The following PCDH11X variants were observed in gnomAD, a reference collection of about 807,000 sequenced individuals.
PCDH11X encodes protocadherin-11 X-linked.
Under a neutral mutation model 53.3 loss-of-function variants are expected in PCDH11X, and 18 were observed. That is an observed-to-expected ratio of 0.34 (90% CI 0.23 to 0.50). The LOEUF is 0.50. Ranked by LOEUF, PCDH11X falls within the 20% of genes least tolerant of loss-of-function variation. PCDH11X has a pLI of 0.98. For synonymous variants in PCDH11X, 279 were observed against 393.3 expected, an observed-to-expected ratio of 0.71 and a Z score of 3.44; for missense variants, 570 against 1,032.4, an observed-to-expected ratio of 0.55 and a Z score of 6.14.
chrX:92,207,178 C>T (rs2148330389), intron 7 of PCDH11X, among the ~76,000 whole-genome samples: 1 of 111,736 alleles, frequency 8.9e-6, no homozygotes, highest in African/African-American at 3.2e-5. Context: ...GGACCAAAAA[C>T]ATTCACTGCA....
intron 5 of PCDH11X, among the ~76,000 whole-genome samples, chrX:91,836,392 T>C (rs1210179166): frequency 2.8e-5 from 3 of 106,134 alleles, no homozygotes; most frequent in African/African-American, 1.1e-4. Flanking sequence ...AAGCAAATCA[T>C]TAAGAATGAA....
chrX:92,279,554 A>C (rs2068199874), intron 8 of PCDH11X, among the ~76,000 whole-genome samples: 1 of 112,566 alleles, frequency 8.9e-6, no homozygotes. Context: ...ACTCCAGAAT[A>C]GTTTTGTATC....
intron 7 of PCDH11X, among the ~76,000 whole-genome samples, chrX:92,205,546 A>G (rs2066460375): frequency 9.0e-6 from 1 of 110,666 alleles, no homozygotes; most frequent in Admixed American, 9.7e-5. Context: ...ATGGAATTAG[A>G]CATTATAATA....
intron 9 of PCDH11X, among the ~76,000 whole-genome samples, chrX:92,447,381 C>G (rs766742723): frequency 2.2e-4 from 24 of 110,743 alleles, no homozygotes; most frequent in African/African-American, 7.9e-4. Context: ...GGTCCCTGTG[C>G]TGTGTGCAGT....
chrX:92,249,857 C>T (rs2067424393), intron 7 of PCDH11X, among the ~76,000 whole-genome samples: 1 of 111,487 alleles, frequency 9.0e-6, no homozygotes, highest in Non-Finnish European at 1.9e-5. Context: ...CAAGTAGACT[C>T]AATCAAATAC....
chrX:92,270,335 G>T (rs752984477), intron 8 of PCDH11X, among the ~76,000 whole-genome samples: 1 of 110,398 alleles, frequency 9.1e-6, no homozygotes, highest in Admixed American at 9.7e-5. Context: ...TGTTGGCCAA[G>T]CTGGCCTCGA....
intron 8 of PCDH11X, among the ~76,000 whole-genome samples, chrX:92,270,863 TG>T (rs2067942639): frequency 8.9e-6 from 1 of 112,092 alleles, no homozygotes; most frequent in Non-Finnish European, 1.9e-5. Context: ...GACTCAGCTT[TG>T]AGCTTAATTT....
At chrX:92,404,522 C>T (rs932019512) in intron 9 of PCDH11X, among the ~76,000 whole-genome samples, 22 of 110,929 alleles carry the variant, frequency 2.0e-4, no homozygotes, top group Non-Finnish European at 3.8e-4. Flanking sequence ...CCTCTGATTG[C>T]TAAATCAGAA....
intron 7 of PCDH11X, among the ~76,000 whole-genome samples, chrX:92,208,559 C>G (rs1276373547): frequency 2.3e-5 from 1 of 44,230 alleles, no homozygotes; most frequent in Non-Finnish European, 4.3e-5. Context: ...AAAGGAGGCT[C>G]TTTCTGGTGT....
chrX:92,514,916 G>C (rs1057386852), intron 10 of PCDH11X, among the ~76,000 whole-genome samples: 2 of 104,634 alleles, frequency 1.9e-5, no homozygotes, highest in African/African-American at 7.0e-5. Context: ...GCGTGGTGGC[G>C]GGTGCCTGTA....
intron 7 of PCDH11X, among the ~76,000 whole-genome samples, chrX:92,230,413 TATATATA>T (rs953031524): frequency 5.3e-5 from 4 of 76,109 alleles, no homozygotes; most frequent in Non-Finnish European, 7.3e-5. Context: ...TCTATGAATA[TATATATA>T]ATATATAAAT....
At chrX:92,537,380 G>T (rs2074679792) in intron 10 of PCDH11X, among the ~76,000 whole-genome samples, 1 of 109,199 alleles carries the variant, frequency 9.2e-6, no homozygotes, top group Non-Finnish European at 1.9e-5. Flanking sequence ...AAAATAAAAA[G>T]ATATTTCATG....
intron 7 of PCDH11X, among the ~76,000 whole-genome samples, chrX:92,235,475 A>G (rs774759489): frequency 1.4e-3 from 155 of 110,863 alleles, no homozygotes; most frequent in African/African-American, 4.9e-3. Flanking sequence ...TCGAAAGCCC[A>G]CTCTCTCTTT....
chrX:92,621,341 A>G lies in PCDH11X; in HGVS notation c.*2401A>G, dbSNP rs1928475064. 9.1e-6 allele frequency: 1 copy of G among 109,709 alleles called. No homozygotes were observed. Among genetic ancestry groups the G allele is most frequent in the Non-Finnish European group, 1.9e-5 (1 of 52,713 alleles). The allele number at this position is 109,709 out of a possible 1,213,427, so 9.0% of individuals were successfully genotyped here. A position where few individuals can be genotyped will look rare whatever the true frequency, so the allele number is the denominator to read the frequency against. On this transcript the variant is annotated 3_prime_UTR_variant, in exon 11 of 11. Transcript: ENST00000682573. Reference sequence around the variant, plus strand: ...ACTAGGGAGGTTCTTAAATCCTCATATCTGGAAACTTGTGACGTTTTGACA... The same window carrying G: ...ACTAGGGAGGTTCTTAAATCCTCATGTCTGGAAACTTGTGACGTTTTGACA...
intron 8 of PCDH11X, among the ~76,000 whole-genome samples, chrX:92,277,633 A>T (rs77066403): frequency 1.8e-5 from 2 of 108,391 alleles, no homozygotes; most frequent in African/African-American, 6.8e-5. Flanking sequence ...AGGTCGGGGC[A>T]TGGAAATAAG....
rs556345299 is a variant in PCDH11X, at chrX:91,998,882, A to G, written c.3033+119609A>G. Among the ~76,000 whole-genome samples, 147 of 108,841 alleles carry G rather than the reference A, an allele frequency of 1.4e-3. 3 individuals carry two copies. In the South Asian group the frequency reaches 0.055, roughly 41 times the overall value. 94.5% of individuals were successfully genotyped at this position (108,841 alleles called of 115,157 possible). On this transcript the variant is annotated intron_variant, in intron 6 of 10. Transcript: ENST00000682573. ...ATTTCCTGATTGATAGTATGTTTGC[A>G]TGTTTCTTTTCCTTTTATTTTATTT... is the stretch of plus-strand genomic sequence containing the variant.
At chrX:92,430,959 C>A (rs981214444) in intron 9 of PCDH11X, among the ~76,000 whole-genome samples, 33 of 107,009 alleles carry the variant, frequency 3.1e-4, no homozygotes, top group African/African-American at 1.0e-3. Flanking sequence ...GGTTGAATTA[C>A]AAGCTAAAGT....
intron 6 of PCDH11X, among the ~76,000 whole-genome samples, chrX:92,167,863 C>A (rs892282980): frequency 1.7e-4 from 19 of 111,268 alleles, no homozygotes; most frequent in Non-Finnish European, 3.0e-4. Context: ...CCTATGAGTC[C>A]TGATTGGGAT....
chrX:91,984,748 C>A (rs1343156542), intron 6 of PCDH11X, among the ~76,000 whole-genome samples: 1 of 111,649 alleles, frequency 9.0e-6, no homozygotes, highest in Non-Finnish European at 1.9e-5. Flanking sequence ...CTCCCGCCCC[C>A]CATCCAGAGA....
Sources: gnomAD v4.1 joint callset for allele counts (sites outside exome capture counted in the v4.1 genomes callset) on GRCh38, gnomAD v4.1.1 for gene constraint, MANE v1.5 for transcripts, NCBI Gene and HGNC (gene_info 2026-07-23, HGNC 2026-07-21) for gene names.